The following ITGB8 variants were observed in gnomAD, a reference collection of about 807,000 sequenced individuals.
The protein encoded by ITGB8 is integrin subunit beta 8.
In ITGB8, 30 loss-of-function variants were observed where a neutral mutation model predicts 89.5. That is an observed-to-expected ratio of 0.34 (90% confidence interval 0.25 to 0.45). ITGB8 has a LOEUF of 0.45. Among genes scored for constraint, ITGB8 ranks in the 20% least tolerant of loss-of-function variants. The pLI is 1.00. For synonymous variants in ITGB8, 335 were observed against 320.4 expected (o/e 1.05, Z -0.49); for missense variants, 836 against 933.3 (o/e 0.90, Z 1.36).
chr7:20,331,692 T>A lies in ITGB8; in HGVS notation c.-115T>A, dbSNP rs1784401039. On this transcript the variant is annotated 5_prime_UTR_variant, in exon 1 of 14. Transcript: ENST00000222573. ...AGCCGCGGGGTCCGCCTGCTAGGCC[T>A]GCGGAAAACGTCCTAGCGACACTCG... 1 of 1,289,982 alleles carries A rather than the reference T, an allele frequency of 7.8e-7. No individual in the cohort carries two copies. The highest frequency in any genetic ancestry group is 1.0e-6 in the Non-Finnish European group (1 of 973,452). 79.9% of individuals were successfully genotyped at this position (1,289,982 alleles called of 1,614,324 possible).
chr7:20,340,173 G>GTTGTTTT (rs1433970018), intron 1 of ITGB8, among the ~76,000 whole-genome samples: 5 of 152,160 alleles, frequency 3.3e-5, no homozygotes, highest in Admixed American at 6.5e-5. Context: ...GTGTTTTATT[G>GTTGTTTT]ATGTTTTGCT....
intron 12 of ITGB8, among the ~76,000 whole-genome samples, chr7:20,408,563 C>G (rs760235870): frequency 4.6e-5 from 7 of 152,064 alleles, no homozygotes; most frequent in Middle Eastern, 3.2e-3. Flanking sequence ...TCCGTAGTGG[C>G]CCTCTCAGGG....
In ITGB8 at chr7:20,415,264, T is replaced by C. The variant is rs558473663; in HGVS notation, c.*5267T>C. The C allele has an allele frequency of 4.6e-5, 7 of 152,170 alleles. No homozygotes were observed. The East Asian group carries it at 9.6e-4, about 21-fold the overall frequency. 9.4% of individuals were successfully genotyped at this position (152,170 alleles called of 1,614,324 possible). A position where few individuals can be genotyped will look rare whatever the true frequency, so the allele number is the denominator to read the frequency against. ...CTATTTTACATTAGCTACTTCATTATGGTTTCTTGAACTTCTGAAAAAAAT... is the reference window on the plus strand; with the variant it reads ...CTATTTTACATTAGCTACTTCATTACGGTTTCTTGAACTTCTGAAAAAAAT... On this transcript the variant is annotated 3_prime_UTR_variant, in exon 14 of 14. Transcript: ENST00000222573.
intron 8 of ITGB8, among the ~76,000 whole-genome samples, chr7:20,395,756 A>G (rs1028219566): frequency 1.3e-5 from 2 of 152,226 alleles, no homozygotes; most frequent in East Asian, 1.9e-4. Context: ...TAGTACCCAC[A>G]TTGTATATTA....
At chr7:20,362,887 G>C (rs1785558084) in intron 1 of ITGB8, among the ~76,000 whole-genome samples, 1 of 152,112 alleles carries the variant, frequency 6.6e-6, no homozygotes. Context: ...GAGGGATAAA[G>C]GTAAATAATT....
At chr7:20,405,683 T>C (rs1787513173) in intron 11 of ITGB8, among the ~76,000 whole-genome samples, 1 of 152,110 alleles carries the variant, frequency 6.6e-6, no homozygotes, top group Non-Finnish European at 1.5e-5. Flanking sequence ...ATAAGTGATA[T>C]ATAAATGAAA....
chr7:20,405,924 G>A (rs1465814705), intron 11 of ITGB8, 138 bp from the exon 12 acceptor site: 19 of 570,686 alleles, frequency 3.3e-5, no homozygotes, highest in Non-Finnish European at 9.4e-6. Flanking sequence ...ATGTAATGAT[G>A]GAGTTAGTTC....
intron 4 of ITGB8, 40 bp downstream of exon 4, chr7:20,379,337 T>G: frequency 7.3e-7 from 1 of 1,378,194 alleles, no homozygotes; most frequent in Non-Finnish European, 9.6e-7. Flanking sequence ...ATTAATTTTT[T>G]GCTTATAAAA....
chr7:20,395,028 C>A, intron 8 of ITGB8, 43 bp downstream of exon 8: 1 of 1,210,364 alleles, frequency 8.3e-7, no homozygotes, highest in Non-Finnish European at 1.2e-6. Flanking sequence ...AAATTTTTAC[C>A]TCAATTTCTG....
At chr7:20,404,554 G>C in intron 10 of ITGB8, 74 bp from the exon 11 acceptor site, 1 of 1,250,954 alleles carries the variant, frequency 8.0e-7, no homozygotes, top group Non-Finnish European at 1.1e-6. Flanking sequence ...AGATGATACA[G>C]GAATCCATGG....
chr7:20,357,951 G>T (rs547298833), intron 1 of ITGB8, among the ~76,000 whole-genome samples: 23 of 152,076 alleles, frequency 1.5e-4, no homozygotes, highest in African/African-American at 5.1e-4. Flanking sequence ...TGTTATCGTT[G>T]TTGTTTTGTG....
At chr7:20,407,438 G>A (rs1787592559) in intron 12 of ITGB8, among the ~76,000 whole-genome samples, 1 of 151,884 alleles carries the variant, frequency 6.6e-6, no homozygotes, top group Non-Finnish European at 1.5e-5. Context: ...GAACTCCACG[G>A]GCATTAGAAA....
intron 3 of ITGB8, among the ~76,000 whole-genome samples, chr7:20,378,087 C>G (rs1786226640): frequency 6.6e-6 from 1 of 152,132 alleles, no homozygotes. Context: ...TTACAAATTG[C>G]TTACATTTAA....
At chr7:20,408,954 A>T (rs1787659004) in intron 12 of ITGB8, among the ~76,000 whole-genome samples, 1 of 152,238 alleles carries the variant, frequency 6.6e-6, no homozygotes, top group Admixed American at 6.5e-5. Flanking sequence ...ACAGACTAGT[A>T]AAAAGTAAAT....
chr7:20,358,806 G>T (rs1000098888), intron 1 of ITGB8, among the ~76,000 whole-genome samples: 1 of 152,078 alleles, frequency 6.6e-6, no homozygotes, highest in Non-Finnish European at 1.5e-5. Flanking sequence ...CTAATGATCC[G>T]ATCTCCCAGA....
rs1424787401 is a variant in ITGB8 at position 20,411,068 on chromosome 7, C to T, written c.*1071C>T. On this transcript the variant is annotated 3_prime_UTR_variant, in exon 14 of 14. Transcript: ENST00000222573. Reference sequence around the variant, plus strand: ...TCAAGGCAGCCTAAGGATGTTCTTTCCCAGAATCACTCCAACCCTTCTTGC... The same window carrying T: ...TCAAGGCAGCCTAAGGATGTTCTTTTCCAGAATCACTCCAACCCTTCTTGC... 1.3e-5 allele frequency: 2 copies of T among 151,656 alleles called. No individual in the cohort carries two copies. Among genetic ancestry groups the T allele is most frequent in the Non-Finnish European group, 2.9e-5 (2 of 67,940 alleles). 9.4% of individuals were successfully genotyped at this position (151,656 alleles called of 1,614,324 possible).
intron 11 of ITGB8, 108 bp downstream of exon 11, chr7:20,404,961 C>A: frequency 1.1e-6 from 1 of 906,848 alleles, no homozygotes; most frequent in Non-Finnish European, 1.8e-6. Flanking sequence ...GACCACCATG[C>A]TAAAAAAGAA....
At chr7:20,361,189 T>C (rs993573063) in intron 1 of ITGB8, among the ~76,000 whole-genome samples, 16 of 152,318 alleles carry the variant, frequency 1.1e-4, no homozygotes, top group African/African-American at 3.8e-4. Flanking sequence ...TTATCCACTT[T>C]TTGAGATTGC....
chr7:20,405,791 T>A (rs956788596), intron 11 of ITGB8, among the ~76,000 whole-genome samples: 2 of 152,230 alleles, frequency 1.3e-5, no homozygotes, highest in Non-Finnish European at 2.9e-5. Flanking sequence ...CTAAACACTG[T>A]AACTTCCAGT....
Sources: gnomAD v4.1 joint callset for allele counts (sites outside exome capture counted in the v4.1 genomes callset) on GRCh38, gnomAD v4.1.1 for gene constraint, MANE v1.5 for transcripts, NCBI Gene and HGNC (gene_info 2026-07-23, HGNC 2026-07-21) for gene names.